RNF4: variants seen among roughly 807,000 people sequenced by gnomAD.
RNF4 encodes E3 ubiquitin-protein ligase RNF4.
Under a neutral mutation model 24.3 loss-of-function variants are expected in RNF4, and 7 were observed. The ratio of observed to expected loss-of-function variants is 0.29; its 90% CI spans 0.16 to 0.54. The LOEUF is 0.54. Among genes scored for constraint, RNF4 ranks in the 20% least tolerant of loss-of-function variants. The pLI is 0.95. For synonymous variants in RNF4, 83 were observed against 84.3 expected, an observed-to-expected ratio of 0.98 and a Z score of 0.09; for missense variants, 209 against 248.5, an observed-to-expected ratio of 0.84 and a Z score of 1.07.
At chr4:2,502,000 G>C (rs1362244052) in intron 4 of RNF4, among the ~76,000 whole-genome samples, 1 of 152,176 alleles carries the variant, frequency 6.6e-6, no homozygotes, top group Non-Finnish European at 1.5e-5. Context: ...TCTCATTAAC[G>C]TGTTTTCTGA....
At chr4:2,508,378 G>A (rs1736165506) in intron 4 of RNF4, among the ~76,000 whole-genome samples, 1 of 152,158 alleles carries the variant, frequency 6.6e-6, no homozygotes, top group Admixed American at 6.6e-5. Flanking sequence ...CCTATCTTCT[G>A]TGCTGGGCAA....
At chr4:2,486,213 G>A (rs917592540) in intron 1 of RNF4, among the ~76,000 whole-genome samples, 18 of 152,286 alleles carry the variant, frequency 1.2e-4, no homozygotes, top group Middle Eastern at 3.4e-3. Context: ...TAATATTTAG[G>A]AAGCGCAGTG....
At chr4:2,491,364 A>G (rs1323731419) in intron 2 of RNF4, among the ~76,000 whole-genome samples, 1 of 151,982 alleles carries the variant, frequency 6.6e-6, no homozygotes, top group Non-Finnish European at 1.5e-5. Flanking sequence ...AGCCTCCCAC[A>G]TAGCTGCGAT....
At chr4:2,498,729 G>A (rs1323313140) in intron 3 of RNF4, among the ~76,000 whole-genome samples, 1 of 152,130 alleles carries the variant, frequency 6.6e-6, no homozygotes, top group African/African-American at 2.4e-5. Context: ...TACCAGACCA[G>A]CCTGGACAAC....
chr4:2,490,311 A>C, intron 1 of RNF4, 26 bp from the exon 2 acceptor site: 2 of 597,170 alleles, frequency 3.3e-6, no homozygotes, highest in Non-Finnish European at 5.9e-6. Context: ...GGCAGTATTT[A>C]TCAAATTAAT....
chr4:2,469,701 C>A, intron 1 of RNF4: 1 of 152,442 alleles, frequency 6.6e-6, no homozygotes. Flanking sequence ...GCGAGTTTGC[C>A]GGGGTGCGTG....
chr4:2,500,334 C>T (rs1735871568), intron 3 of RNF4, among the ~76,000 whole-genome samples: 1 of 152,108 alleles, frequency 6.6e-6, no homozygotes, highest in Non-Finnish European at 1.5e-5. Context: ...ATGCATGGTG[C>T]GTTCTCCCAG....
chr4:2,503,239 C>T (rs1578520270), intron 4 of RNF4, among the ~76,000 whole-genome samples: 1 of 152,158 alleles, frequency 6.6e-6, no homozygotes, highest in Non-Finnish European at 1.5e-5. Flanking sequence ...AACTTCCCTA[C>T]CTTTCTTCTG....
chr4:2,491,956 T>C (rs563698250), intron 2 of RNF4, among the ~76,000 whole-genome samples: 1 of 151,374 alleles, frequency 6.6e-6, no homozygotes, highest in African/African-American at 2.4e-5. Flanking sequence ...CCCAGCACTT[T>C]GGGAGGCCGA....
intron 2 of RNF4, among the ~76,000 whole-genome samples, chr4:2,495,172 T>C (rs1478588649): frequency 6.6e-6 from 1 of 152,206 alleles, no homozygotes; most frequent in Non-Finnish European, 1.5e-5. Context: ...CTGGGGCTGG[T>C]TCTGTGCTCC....
chr4:2,470,602 C>T (rs964418521), intron 1 of RNF4, among the ~76,000 whole-genome samples: 3 of 152,130 alleles, frequency 2.0e-5, no homozygotes, highest in East Asian at 3.8e-4. Context: ...TAATGCCATA[C>T]GTAAACTATT....
intron 1 of RNF4, among the ~76,000 whole-genome samples, chr4:2,487,682 A>G (rs920838591): frequency 2.6e-5 from 4 of 152,134 alleles, no homozygotes; most frequent in African/African-American, 9.7e-5. Flanking sequence ...TCAACTTCCC[A>G]AAGTGCTGGG....
Position 2,512,423 on chromosome 4 carries a change from G to T in RNF4, c.215-15G>T. On this transcript the variant is annotated splice_polypyrimidine_tract_variant and intron_variant, in intron 5 of 7. Transcript: ENST00000314289. This position sits in a 1 kb window ranked among gnomAD's most constrained non-coding sequence, Gnocchi z 4.1. ...TAGAGAGCCTCCAACCTGAAAATGT[G>T]ACCTCTTACCTTAGAAAGAAGAAGA... The T allele has an allele frequency of 6.3e-7, 1 of 1,599,864 alleles. No individual in the cohort carries two copies. Among genetic ancestry groups the T allele is most frequent in the South Asian group, 1.1e-5 (1 of 88,874 alleles).
chr4:2,488,767 A>G (rs979749569), intron 1 of RNF4, among the ~76,000 whole-genome samples: 20 of 152,202 alleles, frequency 1.3e-4, no homozygotes, highest in African/African-American at 4.6e-4. Context: ...CCATGCCCCA[A>G]GGTCACAGGT....
chr4:2,512,652 A>G lies in RNF4; in HGVS notation c.374+55A>G. On this transcript the variant is annotated intron_variant, in intron 6 of 7. Coordinates refer to ENST00000314289, the MANE Select transcript of RNF4 (RefSeq NM_002938.5). The surrounding 1 kb of genome is among the most constrained non-coding windows in gnomAD (Gnocchi z 4.1). Reference sequence around the variant, plus strand: ...CCATGCTAGGATGTGGGGCCAGGGCATGGGAATACTTTTCAGCAAATCTGT... The same window carrying G: ...CCATGCTAGGATGTGGGGCCAGGGCGTGGGAATACTTTTCAGCAAATCTGT... The G allele has an allele frequency of 5.7e-6, 9 of 1,589,722 alleles. No homozygotes were observed. Among genetic ancestry groups the G allele is most frequent in the Non-Finnish European group, 7.7e-6 (9 of 1,166,702 alleles).
chr4:2,491,964 C>T (rs13129970), intron 2 of RNF4, among the ~76,000 whole-genome samples: 2 of 151,408 alleles, frequency 1.3e-5, no homozygotes, highest in African/African-American at 2.4e-5. Context: ...TTTGGGAGGC[C>T]GAGGTGGGCG....
intron 4 of RNF4, among the ~76,000 whole-genome samples, chr4:2,503,789 C>T (rs1314626605): frequency 1.3e-5 from 2 of 152,174 alleles, no homozygotes; most frequent in Non-Finnish European, 2.9e-5. Flanking sequence ...TAAATGTATT[C>T]ATTCTGGAAG....
At chr4:2,472,965 G>A (rs545120641) in intron 1 of RNF4, among the ~76,000 whole-genome samples, 44 of 151,982 alleles carry the variant, frequency 2.9e-4, no homozygotes, top group African/African-American at 8.9e-4. Context: ...GTGTGAACCC[G>A]GGAAGAGGAG....
intron 4 of RNF4, among the ~76,000 whole-genome samples, chr4:2,502,069 A>G (rs528286578): frequency 2.0e-5 from 3 of 152,212 alleles, no homozygotes; most frequent in Non-Finnish European, 4.4e-5. Flanking sequence ...GAGTTCTGGA[A>G]AGATAACTAA....
Sources: allele counts gnomAD v4.1 joint callset (sites outside exome capture counted in the v4.1 genomes callset), GRCh38; gene constraint gnomAD v4.1.1; non-coding constraint Gnocchi (gnomAD v3.1); transcripts MANE v1.5; gene names NCBI Gene and HGNC (gene_info 2026-07-23, HGNC 2026-07-21).